Variants in DOCK4 observed in about 807,000 individuals in gnomAD.
The protein encoded by DOCK4 is dedicator of cytokinesis 4.
In DOCK4, 97 loss-of-function variants were observed where a neutral mutation model predicts 268.1. That is an observed-to-expected ratio of 0.36 (90% CI 0.31 to 0.43). The LOEUF (loss-of-function observed/expected upper bound fraction) is 0.43. DOCK4 is among the 20% of genes least tolerant of loss of function. The probability of loss-of-function intolerance (pLI) is 1.00; values close to 1 mark genes in which losing one functional copy is unlikely to be tolerated. For missense variants in DOCK4, 2,145 were observed against 2,455.7 expected (o/e 0.87, Z 2.67); for synonymous variants, 954 against 887.2 (o/e 1.08, Z -1.34).
chr7:111,770,143 C>T (rs1798030475), intron 36 of DOCK4, among the ~76,000 whole-genome samples: 4 of 147,046 alleles, frequency 2.7e-5, no homozygotes, highest in Admixed American at 1.4e-4. Context: ...GCTGAAAAAT[C>T]GAAACTGGTG....
At chr7:111,882,707 G>T (rs1168855952) in intron 16 of DOCK4, among the ~76,000 whole-genome samples, 1 of 151,888 alleles carries the variant, frequency 6.6e-6, no homozygotes. Flanking sequence ...CTGCCTCCCG[G>T]GTTCAAGCAA....
chr7:111,753,506 G>A (rs1796828929), intron 42 of DOCK4, among the ~76,000 whole-genome samples: 1 of 152,162 alleles, frequency 6.6e-6, no homozygotes, highest in Admixed American at 6.5e-5. Flanking sequence ...TATTTCTACA[G>A]TGAAACACAT....
intron 8 of DOCK4, among the ~76,000 whole-genome samples, chr7:111,972,361 T>C (rs980250737): frequency 6.6e-5 from 10 of 151,992 alleles, no homozygotes; most frequent in African/African-American, 2.4e-4. Context: ...GGTCACCTTC[T>C]CTAGCCTCTC....
In DOCK4 at chr7:111,739,485, C is replaced by A; in HGVS notation, c.5041-8G>T. ...TGAGGTAGATGGACTTGGCTGGAAA[C>A]ACACAGGGAGCTATTATCATACCCT... On this transcript the variant is annotated splice_region_variant and splice_polypyrimidine_tract_variant and intron_variant, in intron 47 of 52. Coordinates refer to ENST00000428084, the MANE Select transcript of DOCK4 (RefSeq NM_001363540.2). The A allele has an allele frequency of 6.4e-7, 1 of 1,560,200 alleles. No homozygotes were observed. The highest frequency in any genetic ancestry group is 8.7e-7 in the Non-Finnish European group (1 of 1,151,748).
intron 7 of DOCK4, among the ~76,000 whole-genome samples, chr7:111,982,161 C>A (rs1798661101): frequency 6.6e-6 from 1 of 152,046 alleles, no homozygotes; most frequent in Non-Finnish European, 1.5e-5. Flanking sequence ...GCCTGGAATG[C>A]AAATATGATG....
chr7:112,196,029 G>T (rs1820394182), intron 1 of DOCK4, among the ~76,000 whole-genome samples: 1 of 152,140 alleles, frequency 6.6e-6, no homozygotes, highest in Non-Finnish European at 1.5e-5. Context: ...GTTTTCTTGA[G>T]AAACAGCCAT....
At chr7:111,933,131 TATATACACATATATATAC>T (rs1794351519) in intron 12 of DOCK4, among the ~76,000 whole-genome samples, 1 of 133,586 alleles carries the variant, frequency 7.5e-6, no homozygotes, top group African/African-American at 3.0e-5. Flanking sequence ...TATATATACG[TATATACACATATATATAC>T]GTATATACAC....
At chr7:111,974,492 A>ATGTGTGTGTGTGTGTGTG (rs59409689) in intron 8 of DOCK4, among the ~76,000 whole-genome samples, 4 of 84,324 alleles carry the variant, frequency 4.7e-5, no homozygotes, top group Non-Finnish European at 7.0e-5. Flanking sequence ...TTGAAGAGGG[A>ATGTGTGTGTGTGTGTGTG]TGTGTGTGTG....
At position 111,944,816 on chromosome 7, in the gene DOCK4, C is replaced by T. The variant is rs1365271106; in HGVS notation, c.839G>A (p.Arg280Gln). 4.3e-6 allele frequency: 7 copies of T among 1,613,820 alleles called. No homozygotes were observed. Among genetic ancestry groups the T allele is most frequent in the Non-Finnish European group, 5.1e-6 (6 of 1,179,762 alleles). ...CTGACAAGTGTTATACCTACCGATT[C>T]GGATAATGTGCACGGTGATATAAAT... ...KDIYITVHII[R>Q]IGRMGAGEKK... The change falls in exon 10 of 53, where the codon CGA (arginine) becomes CAA (glutamine). Residue 280 changes from arginine to glutamine, a missense_variant. By Grantham distance (43) the Arg-to-Gln change is conservative (BLOSUM62 1). Coordinates refer to ENST00000428084, the MANE Select transcript of DOCK4 (RefSeq NM_001363540.2).
At chr7:112,122,983 T>C (rs1812878126) in intron 1 of DOCK4, among the ~76,000 whole-genome samples, 1 of 152,074 alleles carries the variant, frequency 6.6e-6, no homozygotes, top group African/African-American at 2.4e-5. Flanking sequence ...AGAAGGCAAA[T>C]TACTCAGGGC....
intron 25 of DOCK4, among the ~76,000 whole-genome samples, chr7:111,843,274 T>G (rs1271116828): frequency 1.3e-5 from 2 of 152,056 alleles, no homozygotes; most frequent in African/African-American, 4.8e-5. Context: ...ATTAAAAATT[T>G]TTGCTCTGCA....
At position 111,872,128 on chromosome 7, in the gene DOCK4, A is replaced by T. The variant is rs538988014; in HGVS notation, c.1927-38T>A. The T allele has an allele frequency of 5.4e-6, 8 of 1,482,454 alleles. No individual in the cohort carries two copies. In the Admixed American group the frequency reaches 2.0e-4, roughly 38 times the overall value. 91.8% of individuals were successfully genotyped at this position (1,482,454 alleles called of 1,614,324 possible). ...AATTGAGCTTTATAAAACTAAATGC[A>T]AATCAAGGTTTTCCTTTTTTTTTTG... is the stretch of plus-strand genomic sequence containing the variant. On this transcript the variant is annotated intron_variant, in intron 19 of 52. Coordinates refer to ENST00000428084, the MANE Select transcript of DOCK4 (RefSeq NM_001363540.2).
intron 17 of DOCK4, among the ~76,000 whole-genome samples, chr7:111,876,323 A>G (rs1173306341): frequency 6.6e-6 from 1 of 152,162 alleles, no homozygotes; most frequent in East Asian, 1.9e-4. Context: ...TCCTTCTACA[A>G]ATGCTGTTCT....
At chr7:112,014,733 G>A (rs1362720737) in intron 1 of DOCK4, among the ~76,000 whole-genome samples, 2 of 152,080 alleles carry the variant, frequency 1.3e-5, no homozygotes, top group African/African-American at 4.8e-5. Flanking sequence ...ATTAATTTCA[G>A]ATTTATAAGA....
intron 1 of DOCK4, among the ~76,000 whole-genome samples, chr7:112,204,712 C>T (rs1821227580): frequency 6.6e-6 from 1 of 151,926 alleles, no homozygotes; most frequent in Non-Finnish European, 1.5e-5. Flanking sequence ...TTCAATGGAC[C>T]CCAAAGTCCT....
intron 1 of DOCK4, among the ~76,000 whole-genome samples, chr7:112,006,749 G>T (rs1800896381): frequency 6.6e-6 from 1 of 152,154 alleles, no homozygotes; most frequent in Non-Finnish European, 1.5e-5. Context: ...CTCCAAACCA[G>T]CCTTGTCTGT....
At chr7:111,881,292 TAC>T (rs372907948) in intron 16 of DOCK4, among the ~76,000 whole-genome samples, 112 of 152,276 alleles carry the variant, frequency 7.4e-4, no homozygotes, top group African/African-American at 2.6e-3. Context: ...CAAAAGGAGA[TAC>T]ACACATGGCA....
chr7:112,188,766 C>G (rs1819671797), intron 1 of DOCK4, among the ~76,000 whole-genome samples: 1 of 152,104 alleles, frequency 6.6e-6, no homozygotes, highest in Admixed American at 6.5e-5. Flanking sequence ...GGTTTTCAAA[C>G]CTTGGTTTTC....
At position 111,983,856 on chromosome 7, in the gene DOCK4, G is replaced by GCACACA. The variant is rs1454832356; in HGVS notation, c.549+449_549+450insTGTGTG. Among the ~76,000 whole-genome samples the GCACACA allele has an allele frequency of 8.6e-3, 791 of 92,068 alleles. 13 individuals are homozygous for GCACACA. Among genetic ancestry groups the GCACACA allele is most frequent in the African/African-American group, 0.026 (704 of 27,484 alleles). The allele number at this position is 92,068 out of a possible 152,430, so 60.4% of individuals were successfully genotyped here. A position where few individuals can be genotyped will look rare whatever the true frequency, so the allele number is the denominator to read the frequency against. On this transcript the variant is annotated intron_variant, in intron 7 of 52. Transcript: ENST00000428084. Reference sequence around the variant, plus strand: ...TATGTACACACACACGCGCGCGCGCGCGCGCGCACACACACACACACACAC... The same window carrying GCACACA: ...TATGTACACACACACGCGCGCGCGCGCACACACGCGCGCACACACACACACACACAC...
Sources: allele counts gnomAD v4.1 joint callset (sites outside exome capture counted in the v4.1 genomes callset), GRCh38; gene constraint gnomAD v4.1.1; transcripts MANE v1.5; gene names NCBI Gene and HGNC (gene_info 2026-07-23, HGNC 2026-07-21).